ADAMTS6: variants seen among roughly 807,000 people sequenced by gnomAD.
ADAMTS6 encodes A disintegrin and metalloproteinase with thrombospondin motifs 6.
In ADAMTS6, 23 loss-of-function variants were observed where a neutral mutation model predicts 144.3. That is an observed-to-expected ratio of 0.16 (90% CI 0.11 to 0.23). The LOEUF (loss-of-function observed/expected upper bound fraction) is 0.23. Among genes scored for constraint, ADAMTS6 ranks in the 10% least tolerant of loss-of-function variants. The pLI is 1.00. For synonymous variants in ADAMTS6, 444 were observed against 457.5 expected (o/e 0.97, Z 0.38); for missense variants, 999 against 1,379.6 (o/e 0.72, Z 4.37).
Position 65,370,708 on chromosome 5 carries a change from A to G in ADAMTS6, c.1074-36623T>C, listed in dbSNP as rs182415149. On this transcript the variant is annotated intron_variant, in intron 7 of 24. Coordinates refer to ENST00000381055, the MANE Select transcript of ADAMTS6 (RefSeq NM_197941.4). Reference sequence around the variant, plus strand: ...CAGCGAGGCTGGGGGAGGGGCGCCCACCATTGCCCAGGCTTGCTTAGGTAA... The same window carrying G: ...CAGCGAGGCTGGGGGAGGGGCGCCCGCCATTGCCCAGGCTTGCTTAGGTAA... 3.0e-4 allele frequency among the ~76,000 whole-genome samples: 46 copies of G among 152,312 alleles called. No homozygotes were observed. The East Asian group carries it at 6.8e-3, about 22-fold the overall frequency.
At chr5:65,413,241 T>C (rs1394844741) in intron 7 of ADAMTS6, among the ~76,000 whole-genome samples, 1 of 152,176 alleles carries the variant, frequency 6.6e-6, no homozygotes, top group Admixed American at 6.5e-5. Context: ...GGTAAGCCTA[T>C]GCTTTTCTAA....
intron 7 of ADAMTS6, among the ~76,000 whole-genome samples, chr5:65,368,195 C>T (rs898193002): frequency 2.0e-5 from 3 of 152,154 alleles, no homozygotes; most frequent in Non-Finnish European, 2.9e-5. Flanking sequence ...AGATGGTTAT[C>T]AGAAATCAAT....
intron 9 of ADAMTS6, among the ~76,000 whole-genome samples, chr5:65,322,005 C>T (rs561960604): frequency 8.5e-5 from 13 of 152,050 alleles, no homozygotes; most frequent in East Asian, 3.9e-4. Flanking sequence ...TGTGAGCCAC[C>T]GTGACTAGCC....
intron 21 of ADAMTS6, among the ~76,000 whole-genome samples, chr5:65,194,518 G>A (rs967460): frequency 0.75 from 113,778 of 152,076 alleles, 43,049 homozygotes; most frequent in African/African-American, 0.85. Context: ...ATTTCAACTT[G>A]CAATGTTTTC....
At chr5:65,207,802 A>G (rs557683090) in intron 20 of ADAMTS6, among the ~76,000 whole-genome samples, 1 of 152,354 alleles carries the variant, frequency 6.6e-6, no homozygotes, top group African/African-American at 2.4e-5. Flanking sequence ...TGACTTGTGC[A>G]TCTAAATTAA....
chr5:65,226,256 G>A lies in ADAMTS6; in HGVS notation c.1934-37C>T, dbSNP rs756587733. 4.4e-6 allele frequency: 7 copies of A among 1,602,504 alleles called. No homozygotes were observed. The South Asian group carries it at 7.9e-5, about 18-fold the overall frequency. On this transcript the variant is annotated intron_variant, in intron 15 of 24. Coordinates refer to ENST00000381055, the MANE Select transcript of ADAMTS6 (RefSeq NM_197941.4). ...CAGTAGAAGAGAAATAAGTGGAGTG[G>A]TTGTCCTAATGAACAGTGATTCAGT...
At chr5:65,364,730 C>T (rs1285862981) in intron 7 of ADAMTS6, among the ~76,000 whole-genome samples, 1 of 151,896 alleles carries the variant, frequency 6.6e-6, no homozygotes, top group Non-Finnish European at 1.5e-5. Flanking sequence ...CTGCGCCCAG[C>T]TAATTTTTGG....
At chr5:65,332,764 C>T (rs1489180081) in intron 8 of ADAMTS6, among the ~76,000 whole-genome samples, 2 of 152,042 alleles carry the variant, frequency 1.3e-5, no homozygotes, top group African/African-American at 4.8e-5. Flanking sequence ...TTCAGAGTCC[C>T]CTCTGTTGGA....
intron 15 of ADAMTS6, among the ~76,000 whole-genome samples, chr5:65,235,296 T>C (rs1354064235): frequency 6.6e-6 from 1 of 152,226 alleles, no homozygotes; most frequent in Non-Finnish European, 1.5e-5. Context: ...ACAGCATATA[T>C]GTATATCAAA....
chr5:65,332,015 T>C (rs1260732438), intron 8 of ADAMTS6, among the ~76,000 whole-genome samples: 1 of 151,840 alleles, frequency 6.6e-6, no homozygotes, highest in Non-Finnish European at 1.5e-5. Context: ...TTAGAACACA[T>C]TATTTTGAGA....
intron 7 of ADAMTS6, among the ~76,000 whole-genome samples, chr5:65,404,769 A>G (rs549860349): frequency 5.6e-4 from 85 of 152,292 alleles, no homozygotes; most frequent in Non-Finnish European, 1.1e-3. Context: ...CCAACAGTGT[A>G]AAGTGTTCCT....
At chr5:65,293,915 A>G (rs1286384554) in intron 10 of ADAMTS6, among the ~76,000 whole-genome samples, 2 of 152,238 alleles carry the variant, frequency 1.3e-5, no homozygotes, top group African/African-American at 4.8e-5. Context: ...ACACCATATG[A>G]AATAAAATAT....
At chr5:65,453,101 G>GAA (rs5868405) in intron 4 of ADAMTS6, among the ~76,000 whole-genome samples, 183 bp from the exon 5 acceptor site, 12 of 151,830 alleles carry the variant, frequency 7.9e-5, no homozygotes, top group Non-Finnish European at 1.8e-4. Context: ...CACGTTATCT[G>GAA]AAAAAATTAA....
chr5:65,296,754 G>C (rs1742879795), intron 10 of ADAMTS6, among the ~76,000 whole-genome samples: 1 of 152,090 alleles, frequency 6.6e-6, no homozygotes, highest in African/African-American at 2.4e-5. Context: ...AATACGTTCA[G>C]CTTCCATTCT....
intron 20 of ADAMTS6, among the ~76,000 whole-genome samples, chr5:65,203,754 A>G (rs1403530951): frequency 6.6e-6 from 1 of 152,206 alleles, no homozygotes; most frequent in Non-Finnish European, 1.5e-5. Context: ...ACCATAATAA[A>G]AGGCTTTATT....
intron 4 of ADAMTS6, among the ~76,000 whole-genome samples, chr5:65,457,812 T>G (rs1390000114): frequency 2.0e-5 from 3 of 149,086 alleles, no homozygotes; most frequent in African/African-American, 7.5e-5. Context: ...CTGCAACCGC[T>G]GCATTCAGGG....
chr5:65,420,060 T>G (rs1755888666), intron 7 of ADAMTS6, among the ~76,000 whole-genome samples: 1 of 152,142 alleles, frequency 6.6e-6, no homozygotes, highest in South Asian at 2.1e-4. Context: ...AAACTTACAA[T>G]CATGACAGAA....
intron 18 of ADAMTS6, among the ~76,000 whole-genome samples, chr5:65,218,907 T>C (rs62369571): frequency 0.14 from 21,853 of 152,110 alleles, 1,658 homozygotes; most frequent in Non-Finnish European, 0.17. Flanking sequence ...GGTGCAATAT[T>C]ATTTGGCAAT....
rs149440372 is a variant in ADAMTS6 at position 65,426,752 on chromosome 5, G to A, written c.1073+24723C>T. Among the ~76,000 whole-genome samples, 424 of 151,714 alleles carry A rather than the reference G, an allele frequency of 2.8e-3. 1 individual carries two copies. The highest frequency in any genetic ancestry group is 9.9e-3 in the African/African-American group (410 of 41,392). On this transcript the variant is annotated intron_variant, in intron 7 of 24. Coordinates refer to ENST00000381055, the MANE Select transcript of ADAMTS6 (RefSeq NM_197941.4). ...AAACAAAAAGTTTAAGAGAACTGGAGGATAAATGAGAAAGTCAAACATATG... is the reference window on the plus strand; with the variant it reads ...AAACAAAAAGTTTAAGAGAACTGGAAGATAAATGAGAAAGTCAAACATATG...
Sources: allele counts gnomAD v4.1 joint callset (sites outside exome capture counted in the v4.1 genomes callset), GRCh38; gene constraint gnomAD v4.1.1; transcripts MANE v1.5; gene names NCBI Gene and HGNC (gene_info 2026-07-23, HGNC 2026-07-21).